PCDHGA1: variants seen among roughly 807,000 people sequenced by gnomAD.
PCDHGA1 encodes the protein protocadherin gamma subfamily A, 1, also known as protocadherin gamma-A1.
In PCDHGA1, 32 loss-of-function variants were observed where a neutral mutation model predicts 58.0. The ratio of observed to expected loss-of-function variants is 0.55; its 90% CI spans 0.42 to 0.74. The LOEUF (loss-of-function observed/expected upper bound fraction) is 0.74, where lower values mean the gene tolerates loss of function less well. Among genes scored for constraint, PCDHGA1 ranks in the 30% least tolerant of loss-of-function variants. The pLI is 0.00. For missense variants in PCDHGA1, 1,205 were observed against 1,182.3 expected, an observed-to-expected ratio of 1.02 and a Z score of -0.28; for synonymous variants, 498 against 501.1, an observed-to-expected ratio of 0.99 and a Z score of 0.08.
intron 1 of PCDHGA1, chr5:141,351,427 A>G: frequency 6.2e-7 from 1 of 1,611,398 alleles, no homozygotes; most frequent in Non-Finnish European, 8.5e-7. Context: ...TTCCTTTCAA[A>G]TTAGAATCCA....
intron 1 of PCDHGA1, chr5:141,478,233 TG>T (rs1467423955): frequency 3.7e-6 from 6 of 1,614,126 alleles, no homozygotes; most frequent in Non-Finnish European, 5.1e-6. Flanking sequence ...GTGGGGTTTG[TG>T]GTCACAGTGT....
intron 1 of PCDHGA1, chr5:141,389,352 A>G (rs758141313): frequency 7.4e-6 from 12 of 1,613,628 alleles, no homozygotes; most frequent in Admixed American, 1.7e-5. Flanking sequence ...TTACTGCATC[A>G]TGGCCAGTGA....
At chr5:141,346,965 C>T (rs961083532) in intron 1 of PCDHGA1, among the ~76,000 whole-genome samples, 2 of 152,174 alleles carry the variant, frequency 1.3e-5, no homozygotes, top group East Asian at 1.9e-4. Context: ...ATGTTTGACT[C>T]CTTCCAAGAC....
In PCDHGA1 at chr5:141,346,144, T is replaced by C. The variant is rs1486815820; in HGVS notation, c.2421+13039T>C. 4 of 1,613,830 alleles carry C rather than the reference T, an allele frequency of 2.5e-6. No individual in the cohort carries two copies. Among genetic ancestry groups the C allele is most frequent in the Admixed American group, 3.3e-5 (2 of 59,998 alleles). On this transcript the variant is annotated intron_variant, in intron 1 of 3. Coordinates refer to ENST00000517417, the MANE Select transcript of PCDHGA1 (RefSeq NM_018912.3). ...GCGGTGGCCGCGGTCTCCTGCGTCT[T>C]CCTGGCCTTCGTCATCGTGCTGCTG...
chr5:141,483,916 A>C (rs1377841777), intron 1 of PCDHGA1, among the ~76,000 whole-genome samples: 1 of 144,996 alleles, frequency 6.9e-6, no homozygotes, highest in African/African-American at 2.5e-5. Flanking sequence ...TCCCACTCAG[A>C]TTGCAGGTCG....
Position 141,421,312 on chromosome 5 carries a change from G to A in PCDHGA1, c.2422-73495G>A, listed in dbSNP as rs375071225. ...CCTGGGGACGCTGCGGGGGTTCCGGGCCAGGCAGATCCGATATTCGGTGCC... is the reference window on the plus strand; with the variant it reads ...CCTGGGGACGCTGCGGGGGTTCCGGACCAGGCAGATCCGATATTCGGTGCC... On this transcript the variant is annotated intron_variant, in intron 1 of 3. Coordinates refer to ENST00000517417, the MANE Select transcript of PCDHGA1 (RefSeq NM_018912.3). The A allele has an allele frequency of 1.9e-5, 31 of 1,613,630 alleles. No homozygotes were observed. The highest frequency in any genetic ancestry group is 1.4e-5 in the Non-Finnish European group (17 of 1,179,886).
chr5:141,377,007 T>A (rs985572001), intron 1 of PCDHGA1: 1 of 155,470 alleles, frequency 6.4e-6, no homozygotes, highest in African/African-American at 2.4e-5. Context: ...TTTTTATTGG[T>A]TGACAGGAAA....
intron 2 of PCDHGA1, among the ~76,000 whole-genome samples, chr5:141,499,015 AG>A (rs2099788530): frequency 6.6e-6 from 1 of 151,284 alleles, no homozygotes; most frequent in Non-Finnish European, 1.5e-5. Context: ...GAAGGAAGGA[AG>A]GAAGGAAGGA....
intron 1 of PCDHGA1, chr5:141,365,288 G>T (rs1293975471): frequency 1.2e-6 from 2 of 1,613,842 alleles, no homozygotes; most frequent in African/African-American, 2.7e-5. Context: ...CATGGAAGTG[G>T]TAGCTCAGGA....
In PCDHGA1 at chr5:141,332,470, A is replaced by G. The variant is rs375750591; in HGVS notation, c.1786A>G (p.Arg596Gly). The change falls in exon 1 of 4, where the codon AGA (arginine) becomes GGA (glycine). Residue 596 changes from arginine (R) to glycine (G), a missense_variant. Physicochemically the swap from Arg to Gly is moderately radical, Grantham distance 125. Transcript: ENST00000517417. This position sits in a 1 kb window ranked among gnomAD's most constrained non-coding sequence, Gnocchi z 4.6. The part of the protein sequence containing the change: ...YLVTKVVAVD[R>G]DSGQNAWLSY... Reference sequence around the variant, plus strand: ...GGTGACCAAGGTGGTGGCGGTGGACAGAGACTCGGGCCAGAACGCCTGGCT... The same window carrying G: ...GGTGACCAAGGTGGTGGCGGTGGACGGAGACTCGGGCCAGAACGCCTGGCT... The G allele has an allele frequency of 2.8e-5, 45 of 1,613,316 alleles. No individual in the cohort carries two copies. The African/African-American group carries it at 4.8e-4, about 17-fold the overall frequency.
chr5:141,364,961 C>T, intron 1 of PCDHGA1: 1 of 1,613,964 alleles, frequency 6.2e-7, no homozygotes, highest in Non-Finnish European at 8.5e-7. Flanking sequence ...TCACGACCTC[C>T]TCCTCACAGC....
chr5:141,351,650 G>A, intron 1 of PCDHGA1: 2 of 1,613,996 alleles, frequency 1.2e-6, no homozygotes, highest in Non-Finnish European at 1.7e-6. Context: ...CAACCCACCT[G>A]GCGCCTCCAT....
intron 1 of PCDHGA1, chr5:141,430,854 G>A (rs140440273): frequency 5.0e-6 from 8 of 1,587,648 alleles, no homozygotes; most frequent in Middle Eastern, 1.7e-4. Flanking sequence ...ACCCAGATAC[G>A]CTATTCAGTT....
chr5:141,482,160 T>G (rs577572891), intron 1 of PCDHGA1, among the ~76,000 whole-genome samples: 1 of 151,854 alleles, frequency 6.6e-6, no homozygotes, highest in Admixed American at 6.6e-5. Context: ...GTCAAAGATA[T>G]GTAAGATTAA....
At chr5:141,403,585 C>A in intron 1 of PCDHGA1, 1 of 1,613,894 alleles carries the variant, frequency 6.2e-7, no homozygotes, top group South Asian at 1.1e-5. Context: ...ACCACCTGGT[C>A]CTCACGGCCT....
chr5:141,375,862 G>A (rs759161440), intron 1 of PCDHGA1: 2 of 1,613,976 alleles, frequency 1.2e-6, no homozygotes, highest in Admixed American at 1.7e-5. Context: ...AGGTGGTGGC[G>A]GTGGACAGAG....
At chr5:141,343,062 C>T (rs1757247394) in intron 1 of PCDHGA1, 1 of 155,574 alleles carries the variant, frequency 6.4e-6, no homozygotes, top group Admixed American at 6.5e-5. Flanking sequence ...CCCCCTAACC[C>T]CCTTGGCTTC....
intron 1 of PCDHGA1, chr5:141,389,862 C>CGTGG (rs2091951757): frequency 6.2e-7 from 1 of 1,613,964 alleles, no homozygotes; most frequent in Non-Finnish European, 8.5e-7. Flanking sequence ...CACGTTGCAC[C>CGTGG]TGGTCTTCGC....
At chr5:141,346,049 G>C in intron 1 of PCDHGA1, 1 of 1,613,576 alleles carries the variant, frequency 6.2e-7, no homozygotes, top group Middle Eastern at 1.7e-4. Context: ...CCGACATCCT[G>C]GCCGACCTGG....
Sources: gnomAD v4.1 joint callset for allele counts (sites outside exome capture counted in the v4.1 genomes callset) on GRCh38, gnomAD v4.1.1 for gene constraint, Gnocchi (gnomAD v3.1) non-coding constraint, MANE v1.5 for transcripts, NCBI Gene and HGNC (gene_info 2026-07-23, HGNC 2026-07-21) for gene names.